Variants in DNAH5 observed in about 807,000 individuals in gnomAD.
DNAH5 encodes dynein axonemal heavy chain 5, also known as axonemal beta dynein heavy chain 5.
DNAH5 carries 372 observed loss-of-function variants against 518.2 expected under a neutral mutation model. The ratio of observed to expected loss-of-function variants is 0.72; its 90% CI spans 0.66 to 0.78. The LOEUF (loss-of-function observed/expected upper bound fraction) is 0.78. Ranked by LOEUF, DNAH5 falls within the 30% of genes least tolerant of loss-of-function variation. The pLI, the probability that DNAH5 is intolerant of heterozygous loss-of-function variation, is 0.00. For synonymous variants in DNAH5, 2,039 were observed against 2,025.9 expected (o/e 1.01, Z -0.17); for missense variants, 5,523 against 5,687.0 (o/e 0.97, Z 0.93).
chr5:13,919,360 T>C lies in DNAH5; in HGVS notation c.799-8A>G, dbSNP rs765624151. ...ATTGTTTTCAGCAAGAACCTGCAAA[T>C]GCGCGGGGAAAAACACGAGCCATTG... On this transcript the variant is annotated splice_region_variant and splice_polypyrimidine_tract_variant and intron_variant, in intron 6 of 78. Coordinates refer to ENST00000265104, the MANE Select transcript of DNAH5 (RefSeq NM_001369.3). The C allele has an allele frequency of 6.2e-7, 1 of 1,613,262 alleles. No homozygotes were observed. The highest frequency in any genetic ancestry group is 2.2e-5 in the East Asian group (1 of 44,870).
chr5:13,980,419 G>A (rs777951783), intron 1 of DNAH5, among the ~76,000 whole-genome samples: 1 of 151,970 alleles, frequency 6.6e-6, no homozygotes, highest in African/African-American at 2.4e-5. Flanking sequence ...TTCGGGCATC[G>A]AACTCAGCAT....
intron 1 of DNAH5, among the ~76,000 whole-genome samples, chr5:14,007,340 T>A (rs578217604): frequency 6.6e-6 from 1 of 152,314 alleles, no homozygotes; most frequent in Non-Finnish European, 1.5e-5. Context: ...TCCAAGAGTA[T>A]GACTTTGTTT....
At chr5:13,911,069 C>T (rs1038326108) in intron 12 of DNAH5, among the ~76,000 whole-genome samples, 5 of 152,132 alleles carry the variant, frequency 3.3e-5, no homozygotes, top group Non-Finnish European at 7.3e-5. Context: ...CAGTGACAAA[C>T]GGAAATAAGA....
intron 22 of DNAH5, among the ~76,000 whole-genome samples, 181 bp downstream of exon 22, chr5:13,876,503 C>T (rs896384653): frequency 6.6e-6 from 1 of 152,146 alleles, no homozygotes; most frequent in African/African-American, 2.4e-5. Context: ...TTTTTTTCAC[C>T]TTGCAATCTA....
At chr5:13,802,141 C>G (rs1298320619) in intron 47 of DNAH5, among the ~76,000 whole-genome samples, 1 of 152,144 alleles carries the variant, frequency 6.6e-6, no homozygotes, top group Non-Finnish European at 1.5e-5. Flanking sequence ...TAGACAATCA[C>G]TTTACTCTGA....
chr5:13,788,460 T>C (rs1283182853), intron 51 of DNAH5, among the ~76,000 whole-genome samples: 1 of 152,166 alleles, frequency 6.6e-6, no homozygotes, highest in Non-Finnish European at 1.5e-5. Context: ...CTGTGCACTC[T>C]CTCCTACCGA....
chr5:13,716,331 A>C (rs947198692), intron 74 of DNAH5, among the ~76,000 whole-genome samples, 156 bp downstream of exon 74: 1 of 152,236 alleles, frequency 6.6e-6, no homozygotes, highest in African/African-American at 2.4e-5. Flanking sequence ...TCATCCATTG[A>C]GTATAAAAAT....
intron 38 of DNAH5, among the ~76,000 whole-genome samples, chr5:13,824,799 GC>G (rs1561359920): frequency 1.3e-5 from 2 of 152,130 alleles, no homozygotes; most frequent in African/African-American, 4.8e-5. Flanking sequence ...GAGAAAAAAA[GC>G]ACCTGCGCTT....
At chr5:13,780,218 C>T (rs574502086) in intron 53 of DNAH5, among the ~76,000 whole-genome samples, 1 of 152,210 alleles carries the variant, frequency 6.6e-6, no homozygotes, top group Non-Finnish European at 1.5e-5. Flanking sequence ...TTCTAATCAT[C>T]CCTTAGACTA....
intron 65 of DNAH5, among the ~76,000 whole-genome samples, chr5:13,739,606 A>T (rs1748118018): frequency 6.6e-6 from 1 of 152,216 alleles, no homozygotes; most frequent in Non-Finnish European, 1.5e-5. Context: ...AGAAATCTAG[A>T]GTGAGGCAGT....
chr5:13,929,550 A>G lies in DNAH5; in HGVS notation c.193-1372T>C, dbSNP rs193057246. Among the ~76,000 whole-genome samples, 7 of 152,352 alleles carry G rather than the reference A, an allele frequency of 4.6e-5. No homozygotes were observed. The East Asian group carries it at 7.7e-4, about 17-fold the overall frequency. ...GATAAAATCTAGCCTGAACAATTAA[A>G]TGTGAAAAATAAGTCCCCTTCAATT... On this transcript the variant is annotated intron_variant, in intron 2 of 78. Coordinates refer to ENST00000265104, the MANE Select transcript of DNAH5 (RefSeq NM_001369.3).
At chr5:13,921,982 A>C in intron 5 of DNAH5, 125 bp downstream of exon 5, 3 of 979,524 alleles carry the variant, frequency 3.1e-6, no homozygotes, top group Non-Finnish European at 4.8e-6. Context: ...AAAATTGCCT[A>C]CAAAAATTTT....
At chr5:13,849,133 A>G (rs889490343) in intron 31 of DNAH5, among the ~76,000 whole-genome samples, 2 of 152,216 alleles carry the variant, frequency 1.3e-5, no homozygotes, top group African/African-American at 2.4e-5. Flanking sequence ...TAGACTCTTC[A>G]ACTTTCCTAA....
At chr5:13,730,358 T>C (rs1017186874) in intron 68 of DNAH5, among the ~76,000 whole-genome samples, 3 of 152,210 alleles carry the variant, frequency 2.0e-5, no homozygotes, top group Non-Finnish European at 4.4e-5. Context: ...AGTTAAGAAT[T>C]AAGGATAAAA....
rs369053509 is a variant in DNAH5, at chr5:13,775,972, C to CAAA, written c.9373+464_9373+466dup. Among the ~76,000 whole-genome samples, 784 of 106,584 alleles carry CAAA rather than the reference C, an allele frequency of 7.4e-3. 9 individuals carry two copies. The highest frequency in any genetic ancestry group is 0.022 in the African/African-American group (682 of 31,108). The allele number at this position is 106,584 out of a possible 152,430, so 69.9% of individuals were successfully genotyped here. ...CAGACAATTTCTCACCAAAAGCTTT[C>CAAA]AAAAAAAAAAAAAAAAAGCTAAATG... On this transcript the variant is annotated intron_variant, in intron 55 of 78. Transcript: ENST00000265104.
intron 1 of DNAH5, among the ~76,000 whole-genome samples, chr5:14,004,276 A>G (rs424230): frequency 0.72 from 108,893 of 152,048 alleles, 39,218 homozygotes; most frequent in South Asian, 0.8. Context: ...ATCAGGCCAC[A>G]TGGAGAGCAA....
intron 65 of DNAH5, among the ~76,000 whole-genome samples, chr5:13,749,162 C>A (rs1270728456): frequency 6.6e-6 from 1 of 152,014 alleles, no homozygotes; most frequent in Admixed American, 6.6e-5. Flanking sequence ...ATCACAAGAC[C>A]TCATTTTGGG....
chr5:13,888,122 C>T (rs927716240), intron 17 of DNAH5, among the ~76,000 whole-genome samples: 3 of 152,174 alleles, frequency 2.0e-5, no homozygotes, highest in Non-Finnish European at 2.9e-5. Context: ...ACAAATCGGC[C>T]TCCATCATGA....
rs1763333908 is a variant in DNAH5 at position 13,829,408 on chromosome 5, C to G, written c.6444+102G>C. 4 of 1,224,128 alleles carry G rather than the reference C, an allele frequency of 3.3e-6. No individual in the cohort carries two copies. The South Asian group carries it at 5.1e-5, about 15-fold the overall frequency. The allele number at this position is 1,224,128 out of a possible 1,614,324, so 75.8% of individuals were successfully genotyped here. A position where few individuals can be genotyped will look rare whatever the true frequency, so the allele number is the denominator to read the frequency against. On this transcript the variant is annotated intron_variant, in intron 38 of 78. Coordinates refer to ENST00000265104, the MANE Select transcript of DNAH5 (RefSeq NM_001369.3). ...CTTTCTACTCAGTGTCAATAAAATCCTTTGTCAACAAGCCCAGTCTAGAAT... is the reference window on the plus strand; with the variant it reads ...CTTTCTACTCAGTGTCAATAAAATCGTTTGTCAACAAGCCCAGTCTAGAAT...
Sources: gnomAD v4.1 joint callset for allele counts (sites outside exome capture counted in the v4.1 genomes callset) on GRCh38, gnomAD v4.1.1 for gene constraint, MANE v1.5 for transcripts, NCBI Gene and HGNC (gene_info 2026-07-23, HGNC 2026-07-21) for gene names.